The following LRMDA variants were observed in gnomAD, a reference collection of about 807,000 sequenced individuals.
LRMDA encodes leucine-rich melanocyte differentiation-associated protein.
LRMDA carries 18 observed loss-of-function variants against 29.8 expected under a neutral mutation model. That is an observed-to-expected ratio of 0.60 (90% CI 0.42 to 0.90). LRMDA has a LOEUF of 0.90. LRMDA is among the 40% of genes least tolerant of loss of function. The pLI is 0.00. For synonymous variants in LRMDA, 125 were observed against 109.4 expected, an observed-to-expected ratio of 1.14 and a Z score of -0.89; for missense variants, 273 against 273.9, an observed-to-expected ratio of 1.00 and a Z score of 0.02.
chr10:75,809,642 TCAAAAA>T (rs1843921377), intron 2 of LRMDA, among the ~76,000 whole-genome samples: 1 of 152,090 alleles, frequency 6.6e-6, no homozygotes, highest in African/African-American at 2.4e-5. Context: ...AGACTCTGTT[TCAAAAA>T]CAAAAACAAA....
At chr10:76,263,370 A>G (rs1839967113) in intron 5 of LRMDA, among the ~76,000 whole-genome samples, 1 of 152,342 alleles carries the variant, frequency 6.6e-6, no homozygotes, top group South Asian at 2.1e-4. Flanking sequence ...TGAAATTCAA[A>G]GAAAAATCAA....
intron 2 of LRMDA, among the ~76,000 whole-genome samples, chr10:75,480,692 C>T (rs566265549): frequency 6.6e-6 from 1 of 152,292 alleles, no homozygotes; most frequent in East Asian, 1.9e-4. Flanking sequence ...AGGAGAGTGG[C>T]ACAGTCATGT....
intron 5 of LRMDA, among the ~76,000 whole-genome samples, chr10:76,315,654 T>C (rs1840685645): frequency 1.3e-5 from 2 of 152,090 alleles, no homozygotes; most frequent in South Asian, 2.1e-4. Context: ...TGCGGGCCTG[T>C]AGACACCCCT....
intron 5 of LRMDA, among the ~76,000 whole-genome samples, chr10:76,170,804 C>T (rs1189063754): frequency 2.0e-5 from 3 of 152,104 alleles, no homozygotes; most frequent in Admixed American, 6.5e-5. Context: ...CTGAAGTTCA[C>T]CTTCTCTTAT....
intron 2 of LRMDA, among the ~76,000 whole-genome samples, chr10:75,478,037 G>C (rs1589155040): frequency 6.6e-6 from 1 of 152,216 alleles, no homozygotes; most frequent in East Asian, 1.9e-4. Flanking sequence ...CACAGCCTCT[G>C]CTGAGGCCTC....
At chr10:76,529,393 A>G (rs1329333108) in intron 6 of LRMDA, among the ~76,000 whole-genome samples, 1 of 152,174 alleles carries the variant, frequency 6.6e-6, no homozygotes, top group African/African-American at 2.4e-5. Context: ...CCTTATGTGC[A>G]GAATTTCATT....
intron 3 of LRMDA, among the ~76,000 whole-genome samples, chr10:76,041,663 G>A (rs866176404): frequency 2.2e-4 from 34 of 152,162 alleles, no homozygotes; most frequent in Admixed American, 9.8e-4. Context: ...AGGCTAGGAG[G>A]CTTCCCTCCT....
At chr10:75,644,735 C>T (rs998877088) in intron 2 of LRMDA, among the ~76,000 whole-genome samples, 9 of 152,114 alleles carry the variant, frequency 5.9e-5, no homozygotes, top group Non-Finnish European at 1.0e-4. Context: ...CACTGCATGC[C>T]GCCAACTGAT....
intron 2 of LRMDA, among the ~76,000 whole-genome samples, chr10:75,526,579 G>A (rs1010958234): frequency 6.6e-6 from 1 of 152,038 alleles, no homozygotes; most frequent in African/African-American, 2.4e-5. Context: ...TAGGCTAAGT[G>A]TGGTGGCTCA....
At chr10:76,449,230 T>A (rs185640181) in intron 6 of LRMDA, among the ~76,000 whole-genome samples, 196 of 152,008 alleles carry the variant, frequency 1.3e-3, no homozygotes, top group African/African-American at 4.6e-3. Context: ...TTCCTTTTAA[T>A]ATTTGTTTAA....
intron 2 of LRMDA, among the ~76,000 whole-genome samples, chr10:75,817,005 C>A (rs1844072611): frequency 6.6e-6 from 1 of 152,196 alleles, no homozygotes; most frequent in South Asian, 2.1e-4. Context: ...ACTTCCAATT[C>A]AACAAACTGG....
chr10:75,747,987 C>T (rs1462642167), intron 2 of LRMDA, among the ~76,000 whole-genome samples: 2 of 152,218 alleles, frequency 1.3e-5, no homozygotes, highest in East Asian at 3.8e-4. Flanking sequence ...CCACCCTCTG[C>T]TAGTCTAAAT....
intron 6 of LRMDA, among the ~76,000 whole-genome samples, chr10:76,520,965 A>G (rs1843112425): frequency 6.6e-6 from 1 of 152,176 alleles, no homozygotes; most frequent in Non-Finnish European, 1.5e-5. Context: ...GATAAAAAAT[A>G]GAGACATATT....
chr10:75,507,170 G>T (rs1344492739), intron 2 of LRMDA, among the ~76,000 whole-genome samples: 1 of 151,232 alleles, frequency 6.6e-6, no homozygotes, highest in Non-Finnish European at 1.5e-5. Context: ...CTCGGTAAAT[G>T]GTGTATTGTC....
At chr10:75,472,432 T>G (rs1844738079) in intron 2 of LRMDA, among the ~76,000 whole-genome samples, 1 of 152,208 alleles carries the variant, frequency 6.6e-6, no homozygotes, top group South Asian at 2.1e-4. Context: ...GGGGTTAAGT[T>G]GTTTGCTCAA....
chr10:76,223,435 CCT>C (rs1851886505), intron 5 of LRMDA, among the ~76,000 whole-genome samples: 1 of 152,136 alleles, frequency 6.6e-6, no homozygotes, highest in Admixed American at 6.5e-5. Context: ...GAGGCTCCTA[CCT>C]CTCTCTAATG....
intron 2 of LRMDA, among the ~76,000 whole-genome samples, chr10:75,931,325 G>T (rs1846201938): frequency 6.6e-6 from 1 of 152,264 alleles, no homozygotes; most frequent in South Asian, 2.1e-4. Context: ...ACTGCCAAAT[G>T]TGACCTTGCC....
intron 5 of LRMDA, among the ~76,000 whole-genome samples, chr10:76,223,278 T>TAAG (rs1157577021): frequency 2.3e-4 from 35 of 151,820 alleles, no homozygotes; most frequent in Non-Finnish European, 5.0e-4. Context: ...ATAATAATAA[T>TAAG]AAAAAAGAGT....
chr10:76,425,112 C>T (rs896582204), intron 6 of LRMDA, among the ~76,000 whole-genome samples: 3 of 152,170 alleles, frequency 2.0e-5, no homozygotes, highest in Admixed American at 1.3e-4. Context: ...AATAGCCAAT[C>T]CAAAATTTTG....
Sources: gnomAD v4.1 joint callset for allele counts (sites outside exome capture counted in the v4.1 genomes callset) on GRCh38, gnomAD v4.1.1 for gene constraint, MANE v1.5 for transcripts, NCBI Gene and HGNC (gene_info 2026-07-23, HGNC 2026-07-21) for gene names.